The following HPS1 variants were observed in gnomAD, a reference collection of about 807,000 sequenced individuals.
The protein encoded by HPS1 is HPS1 biogenesis of lysosomal organelles complex 3 subunit 1.
A neutral mutation model predicts 90.6 loss-of-function variants in HPS1; 59 were observed. The observed-to-expected ratio is 0.65, with a 90% CI of 0.53 to 0.81. HPS1 has a LOEUF of 0.81. Among genes scored for constraint, HPS1 ranks in the 30% least tolerant of loss-of-function variants. The probability of loss-of-function intolerance (pLI) is 0.00; values close to 1 mark genes in which losing one functional copy is unlikely to be tolerated. For synonymous variants in HPS1, 388 were observed against 384.4 expected (o/e 1.01, Z -0.11); for missense variants, 849 against 896.7 (o/e 0.95, Z 0.68).
chr10:98,414,837 G>T, downstream of HPS1: 2 of 1,004,730 alleles, frequency 2.0e-6, no homozygotes, highest in South Asian at 2.0e-5. Context: ...GTGCCTGCCT[G>T]CCAGATGGAA....
chr10:98,441,174 T>G (rs1290885708), intron 3 of HPS1, among the ~76,000 whole-genome samples: 1 of 152,200 alleles, frequency 6.6e-6, no homozygotes, highest in African/African-American at 2.4e-5. Flanking sequence ...CACCTTCCAC[T>G]GCATCCCCAG....
intron 6 of HPS1, among the ~76,000 whole-genome samples, chr10:98,433,625 G>T (rs1262198042): frequency 6.6e-6 from 1 of 152,064 alleles, no homozygotes; most frequent in African/African-American, 2.4e-5. Flanking sequence ...AGGGAATCTT[G>T]CCTTTAGCGC....
Position 98,425,710 on chromosome 10 carries a change from G to A in HPS1, c.1166C>T (p.Ala389Val), listed in dbSNP as rs773333337. ...CTGGGACAGAACCAGGGCCAGGGGC[G>A]CGCTGGGGCTCTGAGGGTAAGGGCC... ...NLVLLTRSPS[A>V]PLALVLSQLM... Residue 389 changes from alanine (A) to valine (V), a missense_variant, in exon 13 of 20, where the codon GCG becomes GTG. Coordinates refer to ENST00000361490, the MANE Select transcript of HPS1 (RefSeq NM_000195.5). The A allele has an allele frequency of 7.5e-6, 12 of 1,609,646 alleles. No homozygotes were observed. The South Asian group carries it at 9.9e-5, about 13-fold the overall frequency.
chr10:98,428,537 T>C (rs139015335), intron 10 of HPS1, among the ~76,000 whole-genome samples: 70 of 152,290 alleles, frequency 4.6e-4, no homozygotes, highest in African/African-American at 1.6e-3. Context: ...TGTAACTTAA[T>C]TGGGCTGGCT....
intron 11 of HPS1, 148 bp downstream of exon 11, chr10:98,427,067 C>T: frequency 1.6e-6 from 1 of 634,598 alleles, no homozygotes; most frequent in Non-Finnish European, 2.7e-6. Context: ...GGCACCAGGA[C>T]AGGCACCTGC....
rs747984964 is a variant in HPS1, at chr10:98,422,467, G to A, written c.1645C>T (p.Arg549Cys). 3.7e-6 allele frequency: 6 copies of A among 1,613,848 alleles called. No individual in the cohort carries two copies. Among genetic ancestry groups the A allele is most frequent in the East Asian group, 2.2e-5 (1 of 44,894 alleles). Residue 549 changes from arginine to cysteine, a missense_variant, in exon 17 of 20, where the codon CGC becomes TGC. Transcript: ENST00000361490. ...GGCGCCACCATCTGCCCAGTGGTGCGGTCCACATAGATGAAGTGCACCAAG... is the reference window on the plus strand; with the variant it reads ...GGCGCCACCATCTGCCCAGTGGTGCAGTCCACATAGATGAAGTGCACCAAG... ...PGLVHFIYVD[R>C]TTGQMVAPSL...
intron 17 of HPS1, 37 bp downstream of exon 17, chr10:98,422,332 A>T: frequency 6.3e-7 from 1 of 1,596,498 alleles, no homozygotes; most frequent in Non-Finnish European, 8.6e-7. Context: ...ATATTGGCTG[A>T]GGCCCACCCA....
At chr10:98,430,301 G>A (rs898360733) in intron 8 of HPS1, among the ~76,000 whole-genome samples, 5 of 152,174 alleles carry the variant, frequency 3.3e-5, no homozygotes, top group Non-Finnish European at 7.3e-5. Context: ...GTGCAAGTAC[G>A]GGCTCAGCTC....
chr10:98,430,538 G>A, intron 8 of HPS1, 33 bp downstream of exon 8: 1 of 1,511,256 alleles, frequency 6.6e-7, no homozygotes, highest in Non-Finnish European at 9.0e-7. Flanking sequence ...CCTCCCTAAT[G>A]GCCTCCCTCT....
chr10:98,429,289 A>G lies in HPS1; in HGVS notation c.937+284T>C, dbSNP rs548365049. On this transcript the variant is annotated intron_variant, in intron 10 of 19. Transcript: ENST00000361490. ...TAACTTAATTTTTAATTTTAATTAC[A>G]AAAAAGATGAGTCTGAGAATGCATG... 74 of 1,317,168 alleles carry G rather than the reference A, an allele frequency of 5.6e-5. No homozygotes were observed. In the East Asian group the frequency reaches 2.2e-3, roughly 39 times the overall value. The allele number at this position is 1,317,168 out of a possible 1,614,324, so 81.6% of individuals were successfully genotyped here. A position where few individuals can be genotyped will look rare whatever the true frequency, so the allele number is the denominator to read the frequency against.
downstream of HPS1, among the ~76,000 whole-genome samples, chr10:98,415,645 C>G (rs1213047745): frequency 1.3e-5 from 2 of 152,222 alleles, no homozygotes; most frequent in African/African-American, 4.8e-5. Flanking sequence ...GTGGTGATGC[C>G]TCTACGCCCA....
chr10:98,438,480 A>G (rs1207583975), intron 3 of HPS1, among the ~76,000 whole-genome samples: 2 of 152,238 alleles, frequency 1.3e-5, no homozygotes, highest in Admixed American at 6.5e-5. Context: ...AGAGACCGGC[A>G]GCATTTTGCC....
At chr10:98,433,939 C>A (rs754301749) in intron 6 of HPS1, 44 bp downstream of exon 6, 3 of 1,549,506 alleles carry the variant, frequency 1.9e-6, no homozygotes, top group Non-Finnish European at 2.6e-6. Flanking sequence ...CCCCCTCTGA[C>A]CTGACAGCTT....
chr10:98,431,040 G>A, intron 7 of HPS1, 91 bp downstream of exon 7: 2 of 1,354,764 alleles, frequency 1.5e-6, no homozygotes, highest in Non-Finnish European at 2.1e-6. Flanking sequence ...GTGATTCTTG[G>A]CTGGGCAGGT....
rs547383546 is a variant in HPS1 at position 98,420,166 on chromosome 10, A to G, written c.1744-8T>C. ...CTGGATCAGAGACCAGACCTGGGGA[A>G]AAGACAGCAAGCATCACCACTCTCC... On this transcript the variant is annotated splice_polypyrimidine_tract_variant and splice_region_variant and intron_variant, in intron 17 of 19. Coordinates refer to ENST00000361490, the MANE Select transcript of HPS1 (RefSeq NM_000195.5). 47 of 1,596,654 alleles carry G rather than the reference A, an allele frequency of 2.9e-5. No homozygotes were observed. The highest frequency in any genetic ancestry group is 5.0e-5 in the Admixed American group (3 of 59,990).
downstream of HPS1, among the ~76,000 whole-genome samples, chr10:98,415,353 G>T (rs768255414): frequency 4.9e-4 from 75 of 152,364 alleles, no homozygotes; most frequent in Middle Eastern, 3.4e-3. Context: ...ACCAGGCGGT[G>T]TCACCTCCAG....
At chr10:98,428,559 G>A (rs1369215066) in intron 10 of HPS1, among the ~76,000 whole-genome samples, 1 of 152,202 alleles carries the variant, frequency 6.6e-6, no homozygotes. Context: ...AAGCTGCCTG[G>A]TGATTCCAAT....
At position 98,418,229 on chromosome 10, in the gene HPS1, G is replaced by A. The variant is rs201938062; in HGVS notation, c.1886C>T (p.Pro629Leu). The A allele has an allele frequency of 5.0e-6, 8 of 1,610,284 alleles. No homozygotes were observed. The highest frequency in any genetic ancestry group is 3.4e-6 in the Non-Finnish European group (4 of 1,177,494). The change falls in exon 19 of 20, where the codon CCC (proline) becomes CTC (leucine). Residue 629 changes from proline (P) to leucine (L), a missense_variant. By Grantham distance (98) the Pro-to-Leu change is moderately conservative. Transcript: ENST00000361490. ...AGGCACTGAGTCGTCGGAGAGGACG[G>A]GCACCTCGATCATCTGGAGTTTGTA... ...MGYKLQMIEV[P>L]VLSDDSVPIG...
At chr10:98,436,824 C>T (rs1847404556) in intron 3 of HPS1, among the ~76,000 whole-genome samples, 1 of 152,200 alleles carries the variant, frequency 6.6e-6, no homozygotes, top group African/African-American at 2.4e-5. Context: ...CTGAGTAAGA[C>T]CTTGCCTTGA....
Sources: gnomAD v4.1 joint callset for allele counts (sites outside exome capture counted in the v4.1 genomes callset) on GRCh38, gnomAD v4.1.1 for gene constraint, MANE v1.5 for transcripts, NCBI Gene and HGNC (gene_info 2026-07-23, HGNC 2026-07-21) for gene names.